The following ARPC5L variants were observed in gnomAD, a reference collection of about 807,000 sequenced individuals.
ARPC5L encodes actin-related protein 2/3 complex subunit 5-like protein.
A neutral mutation model predicts 16.9 loss-of-function variants in ARPC5L; 4 were observed. The observed-to-expected ratio is 0.24, with a 90% confidence interval of 0.12 to 0.54. ARPC5L has a LOEUF of 0.54. Among genes scored for constraint, ARPC5L ranks in the 20% least tolerant of loss-of-function variants. The probability of loss-of-function intolerance (pLI) is 0.95; values close to 1 mark genes in which losing one functional copy is unlikely to be tolerated. For synonymous variants in ARPC5L, 78 were observed against 82.6 expected (o/e 0.94, Z 0.30); for missense variants, 151 against 201.9 (o/e 0.75, Z 1.53).
At position 124,873,489 on chromosome 9, in the gene ARPC5L, G is replaced by A. The variant is rs144641245; in HGVS notation, c.150-203G>A. 5.5e-4 allele frequency: 331 copies of A among 604,264 alleles called. 4 individuals carry two copies. The highest frequency in any genetic ancestry group is 2.5e-3 in the Middle Eastern group (8 of 3,230). The allele number at this position is 604,264 out of a possible 1,614,324, so 37.4% of individuals were successfully genotyped here. On this transcript the variant is annotated intron_variant, in intron 3 of 5. Coordinates refer to ENST00000353214, the MANE Select transcript of ARPC5L (RefSeq NM_030978.3). ...TGGAAGGTAGAGAGGGAGTTGAAAG[G>A]AGGGTTTGCATGGTTGGCAGAGGTG... is the stretch of plus-strand genomic sequence containing the variant.
chr9:124,876,738 T>A, intron 5 of ARPC5L, 140 bp from the exon 6 acceptor site: 1 of 679,810 alleles, frequency 1.5e-6, no homozygotes, highest in Non-Finnish European at 2.5e-6. Flanking sequence ...TTCCCTAGAA[T>A]GTGCTCTATC....
At chr9:124,873,398 A>G in intron 3 of ARPC5L, 1 of 452,164 alleles carries the variant, frequency 2.2e-6, no homozygotes, top group South Asian at 2.2e-5. Context: ...CTCAGCACCA[A>G]GCAGGTGCAA....
chr9:124,869,370 A>C lies in ARPC5L; in HGVS notation c.80A>C (p.Gln27Pro). ...EFDENKFVDE[Q>P]EEAAAAAAEP... ...GACGAGAACAAATTTGTGGACGAGC[A>C]GGAGGAGGCGGCGGCGGCGGCGGCG... The change falls in exon 3 of 6, where the codon CAG (glutamine) becomes CCG (proline). Residue 27 changes from glutamine (Q) to proline (P), a missense_variant. By Grantham distance (76) the Gln-to-Pro change is moderately conservative. Coordinates refer to ENST00000353214, the MANE Select transcript of ARPC5L (RefSeq NM_030978.3). 1 of 1,529,844 alleles carries C rather than the reference A, an allele frequency of 6.5e-7. No individual in the cohort carries two copies. Among genetic ancestry groups the C allele is most frequent in the Non-Finnish European group, 8.8e-7 (1 of 1,138,194 alleles). 94.8% of individuals were successfully genotyped at this position (1,529,844 alleles called of 1,614,324 possible). A position where few individuals can be genotyped will look rare whatever the true frequency, so the allele number is the denominator to read the frequency against.
At position 124,869,121 on chromosome 9, in the gene ARPC5L, C is replaced by G; in HGVS notation, c.-170C>G. The stretch of plus-strand genomic sequence containing the variant: ...CCCCTGACGGCGCTTCCGGATCCGG[C>G]GGGTGCCGGAAGTGGGCGGGCGGCG... On this transcript the variant is annotated 5_prime_UTR_variant, in exon 3 of 6. Transcript: ENST00000353214. 1 of 770,324 alleles carries G rather than the reference C, an allele frequency of 1.3e-6. No homozygotes were observed. The allele number at this position is 770,324 out of a possible 1,614,324, so 47.7% of individuals were successfully genotyped here. A position where few individuals can be genotyped will look rare whatever the true frequency, so the allele number is the denominator to read the frequency against.
At chr9:124,870,861 G>C (rs1403408228) in intron 3 of ARPC5L, among the ~76,000 whole-genome samples, 3 of 152,194 alleles carry the variant, frequency 2.0e-5, no homozygotes, top group Non-Finnish European at 4.4e-5. Flanking sequence ...GGACTCCCCT[G>C]CCTGGTGACA....
chr9:124,866,705 C>G (rs1829275460), intron 2 of ARPC5L, among the ~76,000 whole-genome samples: 1 of 152,080 alleles, frequency 6.6e-6, no homozygotes, highest in African/African-American at 2.4e-5. Context: ...GCAATAAGAG[C>G]AAAACTCCGT....
intron 3 of ARPC5L, among the ~76,000 whole-genome samples, chr9:124,869,723 C>T (rs1829328349): frequency 6.6e-6 from 1 of 152,348 alleles, no homozygotes; most frequent in South Asian, 2.1e-4. Context: ...GCAGGTCCCG[C>T]GCCCTCTTCC....
Position 124,877,269 on chromosome 9 carries a change from T to C in ARPC5L, c.*329T>C. The C allele has an allele frequency of 3.8e-6, 1 of 263,996 alleles. No homozygotes were observed. 16.4% of individuals were successfully genotyped at this position (263,996 alleles called of 1,614,324 possible). A position where few individuals can be genotyped will look rare whatever the true frequency, so the allele number is the denominator to read the frequency against. On this transcript the variant is annotated 3_prime_UTR_variant, in exon 6 of 6. Transcript: ENST00000353214. The stretch of plus-strand genomic sequence containing the variant: ...TGGGCAGGTGCAGATCCAAGGGCTG[T>C]GGTAAACGGGAGAGCTTGTGTTTTT...
intron 5 of ARPC5L, among the ~76,000 whole-genome samples, 180 bp from the exon 6 acceptor site, chr9:124,876,698 C>T (rs1000070012): frequency 1.3e-5 from 2 of 152,136 alleles, no homozygotes; most frequent in Non-Finnish European, 2.9e-5. Flanking sequence ...CAACAGCTCT[C>T]GGGACCCCAC....
intron 2 of ARPC5L, among the ~76,000 whole-genome samples, chr9:124,867,023 T>C (rs1829279340): frequency 6.6e-6 from 1 of 152,038 alleles, no homozygotes; most frequent in East Asian, 1.9e-4. Flanking sequence ...ACCTCATCTC[T>C]CTTCTGTTCC....
chr9:124,866,048 T>A (rs1829266326), intron 2 of ARPC5L, among the ~76,000 whole-genome samples: 1 of 151,576 alleles, frequency 6.6e-6, no homozygotes, highest in African/African-American at 2.4e-5. Flanking sequence ...GAGGTTGCAG[T>A]GAGCTGAGGT....
intron 1 of ARPC5L, among the ~76,000 whole-genome samples, chr9:124,863,343 A>G (rs1015897125): frequency 1.3e-5 from 2 of 151,984 alleles, no homozygotes; most frequent in South Asian, 4.1e-4. Flanking sequence ...TTTAGTAGAG[A>G]CAAGGTTTAG....
rs1420535360 is a variant in ARPC5L, at chr9:124,869,406, C to G, written c.116C>G (p.Pro39Arg). 1 of 1,502,062 alleles carries G rather than the reference C, an allele frequency of 6.7e-7. No individual in the cohort carries two copies. Among genetic ancestry groups the G allele is most frequent in the African/African-American group, 1.5e-5 (1 of 68,502 alleles). The allele number at this position is 1,502,062 out of a possible 1,614,324, so 93.0% of individuals were successfully genotyped here. Residue 39 changes from proline to arginine, a missense_variant, in exon 3 of 6, where the codon CCG becomes CGG. Coordinates refer to ENST00000353214, the MANE Select transcript of ARPC5L (RefSeq NM_030978.3). Reference sequence around the variant, plus strand: ...GCGGCGGCGGCGGCGGAGCCAGGCCCGGACCCGAGCGAGGTGGACGGGCTC... The same window carrying G: ...GCGGCGGCGGCGGCGGAGCCAGGCCGGGACCCGAGCGAGGTGGACGGGCTC... Reference protein sequence around the residue: ...EAAAAAAEPGPDPSEVDGLLR... With the variant: ...EAAAAAAEPGRDPSEVDGLLR...
rs962958314 is a variant in ARPC5L, at chr9:124,869,060, T to C, written c.-231T>C. ...ACTGAGGTGGGGGAGGCTGCGGTGA[T>C]CCCATACCGCACTCCAGGTGCCAGG... On this transcript the variant is annotated 5_prime_UTR_variant, in exon 3 of 6. Coordinates refer to ENST00000353214, the MANE Select transcript of ARPC5L (RefSeq NM_030978.3). 4.9e-6 allele frequency: 2 copies of C among 409,500 alleles called. No homozygotes were observed. Among genetic ancestry groups the C allele is most frequent in the East Asian group, 4.0e-5 (1 of 24,992 alleles). The allele number at this position is 409,500 out of a possible 1,614,324, so 25.4% of individuals were successfully genotyped here. A position where few individuals can be genotyped will look rare whatever the true frequency, so the allele number is the denominator to read the frequency against.
At chr9:124,864,319 G>A (rs1829242101) in intron 2 of ARPC5L, among the ~76,000 whole-genome samples, 1 of 151,768 alleles carries the variant, frequency 6.6e-6, no homozygotes, top group Admixed American at 6.6e-5. Context: ...CTGAATAGCT[G>A]GGATTACATA....
At chr9:124,875,505 G>C (rs1300952369) in intron 5 of ARPC5L, among the ~76,000 whole-genome samples, 1 of 152,202 alleles carries the variant, frequency 6.6e-6, no homozygotes, top group African/African-American at 2.4e-5. Context: ...CATGATACTT[G>C]CAGTGGTGGA....
In ARPC5L at chr9:124,869,440, A is replaced by G; in HGVS notation, c.149+1A>G. The stretch of plus-strand genomic sequence containing the variant: ...GCGAGGTGGACGGGCTCCTGCGGCA[A>G]TATCCTTCCCTGACGCGGCGTCCGG... On this transcript the variant is annotated splice_donor_variant, in intron 3 of 5. Coordinates refer to ENST00000353214, the MANE Select transcript of ARPC5L (RefSeq NM_030978.3). LOFTEE classifies it high-confidence loss of function. 4.1e-6 allele frequency: 6 copies of G among 1,468,660 alleles called. No homozygotes were observed. Among genetic ancestry groups the G allele is most frequent in the Non-Finnish European group, 5.4e-6 (6 of 1,111,000 alleles). The allele number at this position is 1,468,660 out of a possible 1,614,324, so 91.0% of individuals were successfully genotyped here.
chr9:124,869,140 G>T lies in ARPC5L; in HGVS notation c.-151G>T. The T allele has an allele frequency of 1.1e-6, 1 of 939,478 alleles. No homozygotes were observed. The highest frequency in any genetic ancestry group is 1.4e-6 in the Non-Finnish European group (1 of 714,192). The allele number at this position is 939,478 out of a possible 1,614,324, so 58.2% of individuals were successfully genotyped here. ...ATCCGGCGGGTGCCGGAAGTGGGCG[G>T]GCGGCGGCGGCTGCGCGCGGAGGCG... On this transcript the variant is annotated 5_prime_UTR_variant, in exon 3 of 6. Transcript: ENST00000353214.
chr9:124,873,602 A>G, intron 3 of ARPC5L, 90 bp from the exon 4 acceptor site: 9 of 1,444,544 alleles, frequency 6.2e-6, no homozygotes, highest in Non-Finnish European at 7.8e-6. Context: ...ATCCCATCTG[A>G]CTCTGTTCCT....
Sources: gnomAD v4.1 joint callset for allele counts (sites outside exome capture counted in the v4.1 genomes callset) on GRCh38, gnomAD v4.1.1 for gene constraint, MANE v1.5 for transcripts, NCBI Gene and HGNC (gene_info 2026-07-23, HGNC 2026-07-21) for gene names.